Variants in HDAC9 observed in about 807,000 individuals in gnomAD.
HDAC9 encodes histone deacetylase 9.
Under a neutral mutation model 139.4 loss-of-function variants are expected in HDAC9, and 41 were observed. The observed-to-expected ratio is 0.29, with a 90% CI of 0.23 to 0.38. The LOEUF (loss-of-function observed/expected upper bound fraction) is 0.38, where lower values mean the gene tolerates loss of function less well. Among genes scored for constraint, HDAC9 ranks in the 10% least tolerant of loss-of-function variants. The probability of loss-of-function intolerance (pLI) is 1.00; values close to 1 mark genes in which losing one functional copy is unlikely to be tolerated. For synonymous variants in HDAC9, 517 were observed against 476.2 expected (o/e 1.09, Z -1.12); for missense variants, 1,147 against 1,297.0 (o/e 0.88, Z 1.78).
intron 2 of HDAC9, among the ~76,000 whole-genome samples, chr7:18,260,323 G>GTTTTTTTTTTTT (rs368857394): frequency 1.4e-4 from 16 of 115,616 alleles, no homozygotes; most frequent in African/African-American, 1.9e-4. Context: ...TTTTTTTTTT[G>GTTTTTTTTTTTT]TTTTTTTTTT....
intron 2 of HDAC9, among the ~76,000 whole-genome samples, chr7:18,218,836 G>A (rs973954308): frequency 1.3e-5 from 2 of 152,076 alleles, no homozygotes; most frequent in African/African-American, 4.8e-5. Flanking sequence ...GTTGTTTTGA[G>A]CATTTGACTA....
intron 24 of HDAC9, among the ~76,000 whole-genome samples, chr7:18,956,168 A>G (rs1170989951): frequency 6.6e-6 from 1 of 152,014 alleles, no homozygotes; most frequent in Non-Finnish European, 1.5e-5. Flanking sequence ...CTTCTGCCCC[A>G]AAGTCTATTT....
At chr7:18,972,947 T>C in intron 24 of HDAC9, among the ~76,000 whole-genome samples, 1 of 152,232 alleles carries the variant, frequency 6.6e-6, no homozygotes, top group Non-Finnish European at 1.5e-5. Context: ...TAATCTGCAA[T>C]ATACATAATT....
chr7:18,588,412 A>G (rs562359980), intron 3 of HDAC9, among the ~76,000 whole-genome samples: 13 of 152,262 alleles, frequency 8.5e-5, no homozygotes, highest in Admixed American at 5.2e-4. Flanking sequence ...TCTGTACATA[A>G]TGAGAGTCTT....
chr7:18,177,276 A>C (rs1255644992), intron 2 of HDAC9, among the ~76,000 whole-genome samples: 1 of 152,212 alleles, frequency 6.6e-6, no homozygotes, highest in Non-Finnish European at 1.5e-5. Flanking sequence ...AGTTGCTTGA[A>C]GACGGATGGA....
intron 21 of HDAC9, among the ~76,000 whole-genome samples, chr7:18,850,009 G>C (rs1245052230): frequency 2.7e-5 from 4 of 147,900 alleles, no homozygotes; most frequent in African/African-American, 1.0e-4. Flanking sequence ...AAAGTCCTTA[G>C]TAGTTTGCTT....
intron 22 of HDAC9, chr7:18,899,503 A>G (rs1348516092): frequency 6.6e-6 from 1 of 152,054 alleles, no homozygotes. Flanking sequence ...CAACTATGTA[A>G]CAATTAAATA....
At chr7:18,835,221 GT>G (rs1027492810) in intron 19 of HDAC9, among the ~76,000 whole-genome samples, 2 of 152,122 alleles carry the variant, frequency 1.3e-5, no homozygotes, top group Admixed American at 1.3e-4. Context: ...GCTCGCTGTG[GT>G]TTCCTGATTT....
At chr7:18,379,858 A>T (rs1377008090) in intron 1 of HDAC9, among the ~76,000 whole-genome samples, 1 of 152,208 alleles carries the variant, frequency 6.6e-6, no homozygotes, top group Non-Finnish European at 1.5e-5. Context: ...TTCCACATAG[A>T]TGCTGCAGAT....
At chr7:18,374,167 T>C (rs1784802595) in intron 1 of HDAC9, among the ~76,000 whole-genome samples, 2 of 151,176 alleles carry the variant, frequency 1.3e-5, no homozygotes, top group Admixed American at 6.6e-5. Context: ...ATATATGTAG[T>C]ACATGCATAA....
chr7:18,650,334 C>A (rs927911470), intron 11 of HDAC9, among the ~76,000 whole-genome samples: 2 of 152,038 alleles, frequency 1.3e-5, no homozygotes, highest in African/African-American at 4.8e-5. Flanking sequence ...AGTAGATAGA[C>A]TTTTCTGCTA....
At chr7:18,562,111 A>C (rs936885737) in intron 2 of HDAC9, among the ~76,000 whole-genome samples, 3 of 152,114 alleles carry the variant, frequency 2.0e-5, no homozygotes, top group Non-Finnish European at 4.4e-5. Flanking sequence ...TCAAGGACTT[A>C]TTGGCTATTT....
chr7:18,241,497 C>G (rs530231644), intron 2 of HDAC9, among the ~76,000 whole-genome samples: 3 of 152,172 alleles, frequency 2.0e-5, no homozygotes, highest in African/African-American at 4.8e-5. Context: ...GATCTCCTCA[C>G]GTTGCTGCCT....
intron 2 of HDAC9, chr7:18,162,548 A>G (rs896374105): frequency 1.7e-6 from 1 of 584,262 alleles, no homozygotes; most frequent in African/African-American, 1.9e-5. Flanking sequence ...TGGACAACTG[A>G]TTTGATTTGC....
chr7:18,513,560 A>T (rs149549109), intron 2 of HDAC9, among the ~76,000 whole-genome samples: 2 of 152,316 alleles, frequency 1.3e-5, no homozygotes, highest in Non-Finnish European at 2.9e-5. Flanking sequence ...GGAACAGCCA[A>T]TGCCAAGGCC....
At chr7:18,600,273 T>C (rs1833599602) in intron 6 of HDAC9, among the ~76,000 whole-genome samples, 1 of 152,208 alleles carries the variant, frequency 6.6e-6, no homozygotes, top group South Asian at 2.1e-4. Context: ...TGTATCATTG[T>C]CTTTCACAGA....
At chr7:18,541,483 C>T (rs936457518) in intron 2 of HDAC9, among the ~76,000 whole-genome samples, 4 of 152,090 alleles carry the variant, frequency 2.6e-5, no homozygotes, top group Non-Finnish European at 5.9e-5. Context: ...AACTGTCTCT[C>T]TAATACATTC....
chr7:18,725,129 C>CTA (rs1321934318), intron 12 of HDAC9, among the ~76,000 whole-genome samples: 1 of 151,944 alleles, frequency 6.6e-6, no homozygotes, highest in Non-Finnish European at 1.5e-5. Context: ...TGCCCAAAGC[C>CTA]TATGATATGC....
At chr7:18,972,786 G>A (rs1784328887) in intron 24 of HDAC9, among the ~76,000 whole-genome samples, 1 of 152,142 alleles carries the variant, frequency 6.6e-6, no homozygotes, top group Non-Finnish European at 1.5e-5. Context: ...GCAATTTTAT[G>A]AGAAATTAAG....
Sources: allele counts gnomAD v4.1 joint callset (sites outside exome capture counted in the v4.1 genomes callset), GRCh38; gene constraint gnomAD v4.1.1; transcripts MANE v1.5; gene names NCBI Gene and HGNC (gene_info 2026-07-23, HGNC 2026-07-21).